Variants in PDZD2 observed in about 807,000 individuals in gnomAD.
PDZD2 encodes the protein PDZ domain-containing protein 2.
In PDZD2, 90 loss-of-function variants were observed where a neutral mutation model predicts 220.7. The ratio of observed to expected loss-of-function variants is 0.41; its 90% CI spans 0.34 to 0.49. The LOEUF is 0.49. PDZD2 is among the 20% of genes least tolerant of loss of function. The pLI is 0.28. For missense variants in PDZD2, 3,174 were observed against 3,608.5 expected, an observed-to-expected ratio of 0.88 and a Z score of 3.08; for synonymous variants, 1,375 against 1,450.5, an observed-to-expected ratio of 0.95 and a Z score of 1.18.
intron 2 of PDZD2, among the ~76,000 whole-genome samples, chr5:31,932,222 A>G (rs1249333683): frequency 6.6e-6 from 1 of 152,196 alleles, no homozygotes; most frequent in African/African-American, 2.4e-5. Context: ...CATATGAAGC[A>G]TGATAGCCAT....
rs1745262654 is a variant in PDZD2 at position 32,110,307 on chromosome 5, G to GGCTT, written c.*2173_*2176dup. 1 of 152,570 alleles carries GGCTT rather than the reference G, an allele frequency of 6.6e-6. No homozygotes were observed. Among genetic ancestry groups the GGCTT allele is most frequent in the Non-Finnish European group, 1.5e-5 (1 of 68,044 alleles). The allele number at this position is 152,570 out of a possible 1,614,324, so 9.5% of individuals were successfully genotyped here. ...ATCTGGAGTACAAGGGTAGACCTCT[G>GGCTT]GCTTACCACATACACTATGCTAAAG... On this transcript the variant is annotated 3_prime_UTR_variant, in exon 25 of 25. Transcript: ENST00000438447.
intron 3 of PDZD2, among the ~76,000 whole-genome samples, chr5:31,987,129 GT>G (rs1750785139): frequency 6.6e-6 from 1 of 152,138 alleles, no homozygotes; most frequent in Non-Finnish European, 1.5e-5. Flanking sequence ...TACTCTGAGA[GT>G]TTTTGCGAGT....
At chr5:32,080,049 T>C (rs1470919186) in intron 19 of PDZD2, among the ~76,000 whole-genome samples, 1 of 151,496 alleles carries the variant, frequency 6.6e-6, no homozygotes, top group Non-Finnish European at 1.5e-5. Flanking sequence ...GCAAAGAGTG[T>C]TAAAAAGGGT....
Position 32,092,970 on chromosome 5 carries a change from G to A in PDZD2, c.7791G>A (p.Val2597=). 29 of 1,608,384 alleles carry A rather than the reference G, an allele frequency of 1.8e-5. No individual in the cohort carries two copies. Among genetic ancestry groups the A allele is most frequent in the Non-Finnish European group, 2.5e-5 (29 of 1,175,020 alleles). ...QQRLQSVLSS[V]GSKSTILTLI... is the part of the protein sequence containing the mutation. ...GATTACAGTCTGTTTTATCGTCAGT[G>A]GGATCGAAATCTACCATCCTAACTC... The change falls in exon 21 of 25, where the codon GTG becomes GTA. Residue 2597 remains valine, a synonymous_variant. Transcript: ENST00000438447.
At chr5:31,808,698 T>C (rs1006350728) in intron 2 of PDZD2, among the ~76,000 whole-genome samples, 37 of 152,292 alleles carry the variant, frequency 2.4e-4, no homozygotes, top group African/African-American at 8.4e-4. Context: ...CTAATGAGGC[T>C]GGGCATAGTG....
At chr5:31,883,216 C>CTTTTTTTTTTTTTTTTTTTTTTTTTTTTT (rs58100064) in intron 2 of PDZD2, among the ~76,000 whole-genome samples, 1 of 94,478 alleles carries the variant, frequency 1.1e-5, no homozygotes, top group African/African-American at 4.5e-5. Flanking sequence ...AGCATGCTAC[C>CTTTTTTTTTTTTTTTTTTTTTTTTTTTTT]TTTTTTTTTT....
rs576752285 is a variant in PDZD2, at chr5:31,639,818, A to C, written c.-361+381A>C. ...TCTTCTGGTCCCTTCCTCCGACAGG[A>C]GTGGAGGTACTCAGGTACTCCGGCC... On this transcript the variant is annotated intron_variant, in intron 1 of 24. Transcript: ENST00000438447. The surrounding 1 kb of genome is among the most constrained non-coding windows in gnomAD (Gnocchi z 4.1). Among the ~76,000 whole-genome samples, 1 of 152,228 alleles carries C rather than the reference A, an allele frequency of 6.6e-6. No homozygotes were observed. The highest frequency in any genetic ancestry group is 2.4e-5 in the African/African-American group (1 of 41,544).
At chr5:31,765,054 G>A (rs1277978954) in intron 1 of PDZD2, among the ~76,000 whole-genome samples, 1 of 146,870 alleles carries the variant, frequency 6.8e-6, no homozygotes, top group Non-Finnish European at 1.5e-5. Flanking sequence ...TCCAGCCTGG[G>A]CCACAGAGCA....
intron 2 of PDZD2, among the ~76,000 whole-genome samples, chr5:31,928,279 C>T (rs1744964185): frequency 6.6e-6 from 1 of 152,112 alleles, no homozygotes; most frequent in Non-Finnish European, 1.5e-5. Context: ...AAAGGAATAG[C>T]TAGTAAACAC....
At chr5:31,849,703 G>A (rs1217339004) in intron 2 of PDZD2, among the ~76,000 whole-genome samples, 4 of 151,240 alleles carry the variant, frequency 2.6e-5, no homozygotes, top group Non-Finnish European at 4.4e-5. Flanking sequence ...AATTAGCCAG[G>A]TGTGGTGGCG....
chr5:31,910,627 G>A (rs1343798950), intron 2 of PDZD2, among the ~76,000 whole-genome samples: 4 of 137,380 alleles, frequency 2.9e-5, no homozygotes, highest in African/African-American at 7.5e-5. Context: ...TCCTGACCTC[G>A]TGATTCACCC....
intron 2 of PDZD2, among the ~76,000 whole-genome samples, chr5:31,813,106 C>T (rs13357918): frequency 0.55 from 83,684 of 152,064 alleles, 25,608 homozygotes; most frequent in African/African-American, 0.8. Context: ...TTGTGCCTTA[C>T]GGTAATACTT....
intron 2 of PDZD2, among the ~76,000 whole-genome samples, chr5:31,836,645 G>C (rs944789049): frequency 1.3e-5 from 2 of 152,142 alleles, no homozygotes; most frequent in Non-Finnish European, 2.9e-5. Flanking sequence ...CAAAAGCAGA[G>C]AGGTAGGCAA....
intron 18 of PDZD2, among the ~76,000 whole-genome samples, chr5:32,076,288 G>GAAA (rs67898034): frequency 1.2e-3 from 107 of 87,904 alleles, no homozygotes; most frequent in East Asian, 2.6e-3. Flanking sequence ...TCGGTCTCAA[G>GAAA]AAAAAAAAAA....
chr5:31,674,626 GA>G (rs1185475318), intron 1 of PDZD2, among the ~76,000 whole-genome samples: 1 of 152,196 alleles, frequency 6.6e-6, no homozygotes, highest in Non-Finnish European at 1.5e-5. Context: ...GGACAAGATA[GA>G]ATTTTGTGGC....
intron 1 of PDZD2, among the ~76,000 whole-genome samples, chr5:31,702,176 G>A (rs12514249): frequency 0.038 from 5,721 of 152,314 alleles, 158 homozygotes; most frequent in South Asian, 0.073. Flanking sequence ...TAGAGAGGGG[G>A]TGAGAGTTAT....
At chr5:31,875,592 A>AT (rs1739228066) in intron 2 of PDZD2, among the ~76,000 whole-genome samples, 1 of 145,326 alleles carries the variant, frequency 6.9e-6, no homozygotes, top group African/African-American at 2.6e-5. Flanking sequence ...TTCAAAAAAA[A>AT]AAAAAATATA....
intron 2 of PDZD2, among the ~76,000 whole-genome samples, chr5:31,805,454 G>T (rs1754658787): frequency 6.6e-6 from 1 of 152,180 alleles, no homozygotes; most frequent in South Asian, 2.1e-4. Context: ...ACAGACCCCA[G>T]TGTACCCCTC....
At chr5:31,714,048 T>C (rs569620071) in intron 1 of PDZD2, among the ~76,000 whole-genome samples, 9 of 152,352 alleles carry the variant, frequency 5.9e-5, no homozygotes, top group Non-Finnish European at 1.2e-4. Flanking sequence ...ACTCAGTAAG[T>C]ACACTGGCAT....
Sources: allele counts gnomAD v4.1 joint callset (sites outside exome capture counted in the v4.1 genomes callset), GRCh38; gene constraint gnomAD v4.1.1; non-coding constraint Gnocchi (gnomAD v3.1); transcripts MANE v1.5; gene names NCBI Gene and HGNC (gene_info 2026-07-23, HGNC 2026-07-21).